The following JAKMIP2 variants were observed in gnomAD, a reference collection of about 807,000 sequenced individuals.
JAKMIP2 encodes the protein janus kinase and microtubule-interacting protein 2.
JAKMIP2 carries 25 observed loss-of-function variants against 115.0 expected under a neutral mutation model. The ratio of observed to expected loss-of-function variants is 0.22; its 90% confidence interval spans 0.16 to 0.30. The LOEUF (loss-of-function observed/expected upper bound fraction) is 0.30, where lower values mean the gene tolerates loss of function less well. Among genes scored for constraint, JAKMIP2 ranks in the 10% least tolerant of loss-of-function variants. The pLI, the probability that JAKMIP2 is intolerant of heterozygous loss-of-function variation, is 1.00. For synonymous variants in JAKMIP2, 334 were observed against 343.6 expected, an observed-to-expected ratio of 0.97 and a Z score of 0.31; for missense variants, 642 against 957.6, an observed-to-expected ratio of 0.67 and a Z score of 4.35.
chr5:147,600,010 T>C (rs1299796723), intron 21 of JAKMIP2, among the ~76,000 whole-genome samples: 1 of 152,144 alleles, frequency 6.6e-6, no homozygotes, highest in African/African-American at 2.4e-5. Flanking sequence ...CAAGGTTTGA[T>C]ATTTCTTCTG....
chr5:147,623,628 C>T lies in JAKMIP2; in HGVS notation c.2057G>A (p.Ser686Asn), dbSNP rs1270842488. The change falls in exon 17 of 22, where the codon AGT (serine) becomes AAT (asparagine). Residue 686 changes from serine (S) to asparagine (N), a missense_variant. This residue lies in a region of JAKMIP2 where 68 missense variants were observed against 104.6 expected (regional missense o/e 0.65). Transcript: ENST00000616793. ...ALHQKMMELE[S>N]DMEQFCKIKG... Reference sequence around the variant, plus strand: ...ATCTCATCTTGTACTTACCATGTCACTTTCCAATTCCATCATTTTCTGGTG... The same window carrying T: ...ATCTCATCTTGTACTTACCATGTCATTTTCCAATTCCATCATTTTCTGGTG... 2.5e-6 allele frequency: 4 copies of T among 1,602,082 alleles called. No individual in the cohort carries two copies. Among genetic ancestry groups the T allele is most frequent in the Non-Finnish European group, 3.4e-6 (4 of 1,169,232 alleles).
chr5:147,766,249 T>G (rs1269709896), intron 1 of JAKMIP2, among the ~76,000 whole-genome samples: 1 of 152,150 alleles, frequency 6.6e-6, no homozygotes, highest in African/African-American at 2.4e-5. Context: ...GACTTTGGAT[T>G]CAGAAGAGGA....
intron 1 of JAKMIP2, among the ~76,000 whole-genome samples, chr5:147,738,579 A>G (rs995835437): frequency 1.3e-5 from 2 of 152,232 alleles, no homozygotes; most frequent in East Asian, 3.8e-4. Flanking sequence ...CAAGACTGCA[A>G]TTGCAGATAA....
intron 1 of JAKMIP2, among the ~76,000 whole-genome samples, chr5:147,751,256 G>T (rs1236771809): frequency 2.7e-4 from 36 of 131,550 alleles, no homozygotes; most frequent in East Asian, 9.4e-4. Context: ...TTTTGTTGTT[G>T]TTTTTTTTTT....
At chr5:147,598,631 C>T (rs1397706337) in intron 21 of JAKMIP2, among the ~76,000 whole-genome samples, 1 of 152,106 alleles carries the variant, frequency 6.6e-6, no homozygotes, top group Non-Finnish European at 1.5e-5. Flanking sequence ...CTGATATAAT[C>T]CATGCAGTTA....
intron 11 of JAKMIP2, 80 bp from the exon 12 acceptor site, chr5:147,636,364 G>GCT: frequency 8.8e-7 from 1 of 1,138,042 alleles, no homozygotes; most frequent in Non-Finnish European, 1.3e-6. Flanking sequence ...CTTTGCCAGA[G>GCT]CTGCCTTCTC....
At chr5:147,725,390 G>C (rs919370385) in intron 1 of JAKMIP2, among the ~76,000 whole-genome samples, 1 of 152,088 alleles carries the variant, frequency 6.6e-6, no homozygotes, top group African/African-American at 2.4e-5. Context: ...TCCTTAATAA[G>C]CTTGCTTTCA....
intron 5 of JAKMIP2, among the ~76,000 whole-genome samples, chr5:147,645,929 C>T (rs73268170): frequency 0.18 from 27,768 of 152,034 alleles, 4,774 homozygotes; most frequent in East Asian, 0.46. Flanking sequence ...TAAAACACTC[C>T]TTTTTGTATA....
chr5:147,599,803 G>A (rs1755601203), intron 21 of JAKMIP2, among the ~76,000 whole-genome samples: 1 of 152,144 alleles, frequency 6.6e-6, no homozygotes, highest in Non-Finnish European at 1.5e-5. Flanking sequence ...GTACAAATTG[G>A]TAGCTGGATG....
intron 1 of JAKMIP2, among the ~76,000 whole-genome samples, chr5:147,698,006 C>T (rs10062596): frequency 0.016 from 2,397 of 152,238 alleles, 61 homozygotes; most frequent in African/African-American, 0.054. Flanking sequence ...TTGGAAAAGC[C>T]GCAGACACTC....
At chr5:147,662,923 T>C (rs1338684537) in intron 2 of JAKMIP2, among the ~76,000 whole-genome samples, 1 of 151,672 alleles carries the variant, frequency 6.6e-6, no homozygotes, top group African/African-American at 2.4e-5. Flanking sequence ...GAGGCAGAGG[T>C]TGCAGTGAGC....
At chr5:147,671,264 A>G (rs1248798260) in intron 2 of JAKMIP2, among the ~76,000 whole-genome samples, 2 of 152,198 alleles carry the variant, frequency 1.3e-5, no homozygotes, top group African/African-American at 2.4e-5. Context: ...CTTGGAAGGT[A>G]TTGGGCAGTG....
intron 1 of JAKMIP2, among the ~76,000 whole-genome samples, chr5:147,753,910 G>C (rs1202724019): frequency 1.3e-5 from 2 of 151,270 alleles, no homozygotes; most frequent in Non-Finnish European, 2.9e-5. Context: ...ATTTTCAGAT[G>C]ATGACCAGAG....
At chr5:147,651,596 A>T (rs58922240) in intron 3 of JAKMIP2, among the ~76,000 whole-genome samples, 2,002 of 152,140 alleles carry the variant, frequency 0.013, 53 homozygotes, top group African/African-American at 0.046. Context: ...TTTTGTATAA[A>T]TTTTTCTTTG....
At chr5:147,719,978 G>T (rs1189972533) in intron 1 of JAKMIP2, among the ~76,000 whole-genome samples, 3 of 151,972 alleles carry the variant, frequency 2.0e-5, no homozygotes, top group South Asian at 2.1e-4. Context: ...ATTTTGCAGC[G>T]GCTGGTACCG....
At chr5:147,604,593 T>G (rs1004654276) in intron 20 of JAKMIP2, among the ~76,000 whole-genome samples, 2 of 152,140 alleles carry the variant, frequency 1.3e-5, no homozygotes, top group Non-Finnish European at 2.9e-5. Context: ...TAACCAAATT[T>G]TAACCATTAT....
At chr5:147,712,554 T>C (rs1253263577) in intron 1 of JAKMIP2, among the ~76,000 whole-genome samples, 3 of 152,338 alleles carry the variant, frequency 2.0e-5, no homozygotes, top group African/African-American at 7.2e-5. Flanking sequence ...TTTAGAGCCC[T>C]TCCACTAACA....
At chr5:147,729,912 A>G (rs1437367862) in intron 1 of JAKMIP2, among the ~76,000 whole-genome samples, 2 of 152,216 alleles carry the variant, frequency 1.3e-5, no homozygotes, top group Admixed American at 1.3e-4. Context: ...AAGTCAGCTC[A>G]GCCTGGTTTG....
chr5:147,694,860 GTCTGTTGTACT>G lies in JAKMIP2; in HGVS notation c.-148-22917_-148-22907del, dbSNP rs578116293. ...GTCAGGCATAGAAATTAAATTTTAA[GTCTGTTGTACT>G]TTTGATGAAAGTATGCACATATGGG... On this transcript the variant is annotated intron_variant, in intron 1 of 21. Coordinates refer to ENST00000616793, the MANE Select transcript of JAKMIP2 (RefSeq NM_001270941.2). 1.7e-3 allele frequency among the ~76,000 whole-genome samples: 259 copies of G among 152,290 alleles called. 2 individuals carry two copies. The highest frequency in any genetic ancestry group is 6.0e-3 in the African/African-American group (249 of 41,566).
Sources: gnomAD v4.1 joint callset for allele counts (sites outside exome capture counted in the v4.1 genomes callset) on GRCh38, gnomAD v4.1.1 for gene constraint, gnomAD v4.1.1 regional missense constraint, MANE v1.5 for transcripts, NCBI Gene and HGNC (gene_info 2026-07-23, HGNC 2026-07-21) for gene names.